PTPRM: variants seen among roughly 807,000 people sequenced by gnomAD.
PTPRM encodes the protein protein tyrosine phosphatase receptor type M, also known as receptor-type tyrosine-protein phosphatase mu.
In PTPRM, 47 loss-of-function variants were observed where a neutral mutation model predicts 186.7. The observed-to-expected ratio is 0.25, with a 90% CI of 0.20 to 0.32. The LOEUF is 0.32. Among genes scored for constraint, PTPRM ranks in the 10% least tolerant of loss-of-function variants. PTPRM has a pLI of 1.00. For synonymous variants in PTPRM, 668 were observed against 674.9 expected, an observed-to-expected ratio of 0.99 and a Z score of 0.16; for missense variants, 1,494 against 1,865.0, an observed-to-expected ratio of 0.80 and a Z score of 3.66.
At chr18:7,656,500 G>T (rs919938162) in intron 1 of PTPRM, among the ~76,000 whole-genome samples, 1 of 152,076 alleles carries the variant, frequency 6.6e-6, no homozygotes, top group East Asian at 1.9e-4. Flanking sequence ...AAGAGTTCTG[G>T]TGGCGATGGT....
intron 2 of PTPRM, among the ~76,000 whole-genome samples, chr18:7,845,328 T>C (rs988154185): frequency 1.3e-5 from 2 of 152,194 alleles, no homozygotes; most frequent in East Asian, 1.9e-4. Context: ...GATGGATTAA[T>C]TTATGATATC....
At chr18:7,895,512 G>A (rs536591568) in intron 3 of PTPRM, among the ~76,000 whole-genome samples, 1 of 152,166 alleles carries the variant, frequency 6.6e-6, no homozygotes, top group Admixed American at 6.5e-5. Context: ...AGCACTGCAA[G>A]GTGAGGTTCT....
At chr18:7,738,498 C>G (rs574292875) in intron 1 of PTPRM, among the ~76,000 whole-genome samples, 1 of 151,836 alleles carries the variant, frequency 6.6e-6, no homozygotes, top group Admixed American at 6.6e-5. Context: ...TGCAGTGGCA[C>G]GATCTCAGCT....
At chr18:7,982,903 A>G (rs1036334616) in intron 7 of PTPRM, among the ~76,000 whole-genome samples, 1 of 152,146 alleles carries the variant, frequency 6.6e-6, no homozygotes, top group Non-Finnish European at 1.5e-5. Context: ...GGAAGCTTCT[A>G]CAAGGATTGT....
chr18:8,390,371 G>T (rs770459245), intron 31 of PTPRM, among the ~76,000 whole-genome samples: 3 of 152,216 alleles, frequency 2.0e-5, no homozygotes, highest in Non-Finnish European at 4.4e-5. Flanking sequence ...GGGTAGATTT[G>T]TTAAACAGGA....
At position 7,649,778 on chromosome 18, in the gene PTPRM, A is replaced by G. The variant is rs1050945250; in HGVS notation, c.73+81887A>G. On this transcript the variant is annotated intron_variant, in intron 1 of 32. Coordinates refer to ENST00000580170, the MANE Select transcript of PTPRM (RefSeq NM_001105244.2). The stretch of plus-strand genomic sequence containing the variant: ...AAAAGAAAAAAAATGAAATTGCCAC[A>G]GCCACTCCAACCTTCAGCAGCCATT... 3.9e-5 allele frequency among the ~76,000 whole-genome samples: 6 copies of G among 152,102 alleles called. 1 individual carries two copies. Among genetic ancestry groups the G allele is most frequent in the Admixed American group, 3.9e-4 (6 of 15,258 alleles).
intron 7 of PTPRM, among the ~76,000 whole-genome samples, chr18:8,050,415 G>A (rs773881863): frequency 6.6e-6 from 1 of 151,912 alleles, no homozygotes; most frequent in East Asian, 1.9e-4. Flanking sequence ...ATGAACCTTG[G>A]AGAAAATGTA....
intron 7 of PTPRM, among the ~76,000 whole-genome samples, chr18:7,992,940 G>A (rs2083337403): frequency 2.0e-5 from 3 of 151,730 alleles, no homozygotes; most frequent in Non-Finnish European, 4.4e-5. Context: ...TAGTAGTATT[G>A]GTGGGTTAAA....
Position 8,384,439 on chromosome 18 carries a change from C to A in PTPRM, c.3919-122C>A, listed in dbSNP as rs373426847. The A allele has an allele frequency of 4.4e-4, 487 of 1,114,994 alleles. 2 individuals carry two copies. In the African/African-American group the frequency reaches 6.1e-3, roughly 14 times the overall value. The allele number at this position is 1,114,994 out of a possible 1,614,324, so 69.1% of individuals were successfully genotyped here. On this transcript the variant is annotated intron_variant, in intron 29 of 32. Coordinates refer to ENST00000580170, the MANE Select transcript of PTPRM (RefSeq NM_001105244.2). ...CACCACTGCACTCTAGCTGGGGAGA[C>A]AGAGCAAGACCCTATCTCTTAAAAA...
intron 28 of PTPRM, 27 bp from the exon 29 acceptor site, chr18:8,380,269 T>C (rs112936059): frequency 6.8e-6 from 11 of 1,608,572 alleles, no homozygotes; most frequent in African/African-American, 2.7e-5. Context: ...CTGAGTATAT[T>C]TGGAGCATTC....
At chr18:7,725,274 G>A (rs149266440) in intron 1 of PTPRM, among the ~76,000 whole-genome samples, 1 of 152,252 alleles carries the variant, frequency 6.6e-6, no homozygotes, top group East Asian at 1.9e-4. Flanking sequence ...TCCACACATT[G>A]TACAGTTCAC....
At chr18:7,626,070 A>T (rs1400887012) in intron 1 of PTPRM, among the ~76,000 whole-genome samples, 2 of 152,234 alleles carry the variant, frequency 1.3e-5, no homozygotes, top group Non-Finnish European at 2.9e-5. Context: ...CATTCATAAA[A>T]GCATCTAATG....
chr18:8,187,373 A>G (rs904045665), intron 14 of PTPRM, among the ~76,000 whole-genome samples: 1 of 152,162 alleles, frequency 6.6e-6, no homozygotes, highest in African/African-American at 2.4e-5. Context: ...TAGGGGCTGG[A>G]GAAAGGCCAG....
At chr18:8,396,927 G>A (rs750539849) in intron 32 of PTPRM, among the ~76,000 whole-genome samples, 6 of 152,170 alleles carry the variant, frequency 3.9e-5, no homozygotes, top group Non-Finnish European at 8.8e-5. Context: ...TGTTTAGTTT[G>A]GTGTTGATAC....
At chr18:8,395,329 C>A (rs571066067) in intron 32 of PTPRM, among the ~76,000 whole-genome samples, 4 of 152,138 alleles carry the variant, frequency 2.6e-5, no homozygotes, top group Admixed American at 2.6e-4. Context: ...ATGGGACAAG[C>A]GCCAAAGCCA....
At chr18:8,231,675 C>T (rs56314202) in intron 14 of PTPRM, among the ~76,000 whole-genome samples, 52,449 of 151,948 alleles carry the variant, frequency 0.35, 9,446 homozygotes, top group Middle Eastern at 0.57. Flanking sequence ...TTGAATTCAG[C>T]GCGCATTTCT....
intron 31 of PTPRM, among the ~76,000 whole-genome samples, chr18:8,393,975 T>C (rs2095832281): frequency 1.3e-5 from 2 of 151,914 alleles, no homozygotes; most frequent in East Asian, 3.9e-4. Context: ...TATTTTTTAG[T>C]AGCGATGGGG....
At chr18:7,944,629 C>T (rs1404247032) in intron 5 of PTPRM, among the ~76,000 whole-genome samples, 3 of 152,166 alleles carry the variant, frequency 2.0e-5, no homozygotes, top group African/African-American at 7.2e-5. Context: ...AGTTATACTT[C>T]CCTTAGAGTT....
chr18:7,902,545 G>A (rs2049752716), intron 3 of PTPRM, among the ~76,000 whole-genome samples: 1 of 152,156 alleles, frequency 6.6e-6, no homozygotes, highest in Non-Finnish European at 1.5e-5. Flanking sequence ...GGATCCCATT[G>A]CTATGAGCTG....
Sources: allele counts gnomAD v4.1 joint callset (sites outside exome capture counted in the v4.1 genomes callset), GRCh38; gene constraint gnomAD v4.1.1; transcripts MANE v1.5; gene names NCBI Gene and HGNC (gene_info 2026-07-23, HGNC 2026-07-21).